TENM2: variants seen among roughly 807,000 people sequenced by gnomAD.
TENM2 encodes teneurin-2.
A neutral mutation model predicts 245.2 loss-of-function variants in TENM2; 52 were observed. That is an observed-to-expected ratio of 0.21 (90% CI 0.17 to 0.27). TENM2 has a LOEUF of 0.27. TENM2 is among the 10% of genes least tolerant of loss of function. The probability of loss-of-function intolerance (pLI) is 1.00; values close to 1 mark genes in which losing one functional copy is unlikely to be tolerated. For missense variants in TENM2, 3,046 were observed against 3,666.8 expected (o/e 0.83, Z 4.37); for synonymous variants, 1,363 against 1,438.9 (o/e 0.95, Z 1.19).
At chr5:167,005,947 A>G in the TENM2 span, among the ~76,000 whole-genome samples, 1 of 152,046 alleles carries the variant, frequency 6.6e-6, no homozygotes, top group African/African-American at 2.4e-5. Flanking sequence ...GGTGTGAGCC[A>G]CCGTGCCTGG....
At chr5:167,816,694 T>C (rs1767083995) in intron 2 of TENM2, among the ~76,000 whole-genome samples, 2 of 152,086 alleles carry the variant, frequency 1.3e-5, no homozygotes, top group African/African-American at 4.8e-5. Context: ...AAAAAAATCC[T>C]AGAATTTAAA....
At chr5:167,923,512 G>A (rs1489428548) in intron 3 of TENM2, among the ~76,000 whole-genome samples, 2 of 152,122 alleles carry the variant, frequency 1.3e-5, no homozygotes, top group African/African-American at 4.8e-5. Flanking sequence ...CCGCCGCTGA[G>A]GTAGAAAGAC....
At chr5:167,989,589 G>A (rs1004409472) in intron 4 of TENM2, among the ~76,000 whole-genome samples, 3 of 152,140 alleles carry the variant, frequency 2.0e-5, no homozygotes, top group African/African-American at 7.2e-5. Flanking sequence ...TTGAAACTTA[G>A]GTCTCATCTT....
intron 2 of TENM2, among the ~76,000 whole-genome samples, chr5:167,429,669 C>T (rs899190075): frequency 1.1e-4 from 16 of 140,254 alleles, no homozygotes; most frequent in African/African-American, 1.9e-4. Context: ...TGCAGTGAAG[C>T]GACCGCGGCT....
At chr5:167,780,334 A>T (rs1289018141) in intron 2 of TENM2, among the ~76,000 whole-genome samples, 1 of 152,228 alleles carries the variant, frequency 6.6e-6, no homozygotes, top group Non-Finnish European at 1.5e-5. Context: ...AGGCATGCAC[A>T]GAGCGGTAAA....
chr5:167,280,884 G>GT (rs1771019134), upstream of TENM2, among the ~76,000 whole-genome samples: 6 of 151,456 alleles, frequency 4.0e-5, no homozygotes, highest in South Asian at 1.3e-3. Context: ...TGTTCCTTGG[G>GT]TCCTGAGGCC....
intron 2 of TENM2, among the ~76,000 whole-genome samples, chr5:167,415,179 A>G (rs1312162133): frequency 1.3e-5 from 2 of 152,162 alleles, no homozygotes; most frequent in African/African-American, 2.4e-5. Flanking sequence ...ATTTCTGTCT[A>G]TCACCATTTC....
chr5:168,180,461 G>T (rs1201099701), intron 13 of TENM2, among the ~76,000 whole-genome samples: 3 of 152,332 alleles, frequency 2.0e-5, no homozygotes, highest in African/African-American at 2.4e-5. Context: ...TTAACATCCT[G>T]CAGGAGACAG....
chr5:167,120,287 G>A, the TENM2 span, among the ~76,000 whole-genome samples: 3 of 152,174 alleles, frequency 2.0e-5, no homozygotes, highest in Non-Finnish European at 4.4e-5. Context: ...GTGTATGGAG[G>A]AAAAATTAGG....
At chr5:168,047,909 G>A (rs1788753072) in intron 6 of TENM2, among the ~76,000 whole-genome samples, 1 of 152,164 alleles carries the variant, frequency 6.6e-6, no homozygotes, top group Non-Finnish European at 1.5e-5. Flanking sequence ...AGCAGCAGCA[G>A]GAGAAAGTCC....
At chr5:167,464,206 C>A (rs974560857) in intron 2 of TENM2, among the ~76,000 whole-genome samples, 1 of 152,046 alleles carries the variant, frequency 6.6e-6, no homozygotes, top group Admixed American at 6.6e-5. Context: ...AGTTCTAGCC[C>A]TGAGGAAAAG....
At chr5:167,067,200 G>A in the TENM2 span, among the ~76,000 whole-genome samples, 9 of 152,214 alleles carry the variant, frequency 5.9e-5, no homozygotes, top group South Asian at 1.9e-3. Flanking sequence ...AGTAATTTCT[G>A]TACCAGACAA....
chr5:167,131,461 C>T, the TENM2 span, among the ~76,000 whole-genome samples: 13 of 152,178 alleles, frequency 8.5e-5, no homozygotes, highest in African/African-American at 1.9e-4. Context: ...AGGGCTTTGA[C>T]GGAGGACATG....
At chr5:167,679,730 T>C (rs1457736348) in intron 2 of TENM2, among the ~76,000 whole-genome samples, 1 of 152,144 alleles carries the variant, frequency 6.6e-6, no homozygotes, top group African/African-American at 2.4e-5. Context: ...TGTGGACCAG[T>C]ATTTTGCAGA....
the TENM2 span, among the ~76,000 whole-genome samples, chr5:167,047,820 G>T: frequency 2.6e-5 from 4 of 152,118 alleles, no homozygotes. Flanking sequence ...TTGTAGGATT[G>T]CCTTGTTTTT....
the TENM2 span, among the ~76,000 whole-genome samples, chr5:166,980,178 A>G: frequency 6.6e-6 from 1 of 152,232 alleles, no homozygotes; most frequent in Non-Finnish European, 1.5e-5. Flanking sequence ...AGTGCATCAC[A>G]TACTGTCTTG....
At chr5:167,420,499 C>T (rs1046198361) in intron 2 of TENM2, among the ~76,000 whole-genome samples, 6 of 152,194 alleles carry the variant, frequency 3.9e-5, no homozygotes, top group African/African-American at 1.4e-4. Context: ...CTCACTCACT[C>T]ACTCACTTCC....
At chr5:167,572,139 G>A (rs917988683) in intron 2 of TENM2, among the ~76,000 whole-genome samples, 1 of 152,132 alleles carries the variant, frequency 6.6e-6, no homozygotes, top group African/African-American at 2.4e-5. Flanking sequence ...CTTTATTTGG[G>A]TCCAAGGGAA....
chr5:167,801,758 G>C (rs1033832700), intron 2 of TENM2, among the ~76,000 whole-genome samples: 1 of 152,150 alleles, frequency 6.6e-6, no homozygotes, highest in African/African-American at 2.4e-5. Context: ...GACTGGTAGA[G>C]ATATGACACT....
Sources: allele counts gnomAD v4.1 joint callset (sites outside exome capture counted in the v4.1 genomes callset), GRCh38; gene constraint gnomAD v4.1.1; transcripts MANE v1.5; gene names NCBI Gene and HGNC (gene_info 2026-07-23, HGNC 2026-07-21).